FMNL2: variants seen among roughly 807,000 people sequenced by gnomAD.
FMNL2 encodes formin-like protein 2.
In FMNL2, 51 loss-of-function variants were observed where a neutral mutation model predicts 130.2. The ratio of observed to expected loss-of-function variants is 0.39; its 90% CI spans 0.31 to 0.49. The LOEUF (loss-of-function observed/expected upper bound fraction) is 0.49. Among genes scored for constraint, FMNL2 ranks in the 20% least tolerant of loss-of-function variants. The pLI is 0.85. For synonymous variants in FMNL2, 465 were observed against 467.1 expected, an observed-to-expected ratio of 1.00 and a Z score of 0.06; for missense variants, 977 against 1,316.2, an observed-to-expected ratio of 0.74 and a Z score of 3.99.
intron 2 of FMNL2, among the ~76,000 whole-genome samples, chr2:152,537,153 A>C (rs1694035490): frequency 6.6e-6 from 1 of 152,240 alleles, no homozygotes; most frequent in African/African-American, 2.4e-5. Flanking sequence ...GTCTAGTAGA[A>C]AAGGCTATGT....
At chr2:152,486,745 T>TG (rs1027612768) in intron 1 of FMNL2, among the ~76,000 whole-genome samples, 9 of 152,316 alleles carry the variant, frequency 5.9e-5, no homozygotes, top group African/African-American at 1.9e-4. Context: ...AGTTGTTTTC[T>TG]GGGGGGAAGA....
chr2:152,506,934 AT>A (rs1353866977), intron 1 of FMNL2, among the ~76,000 whole-genome samples: 3 of 152,200 alleles, frequency 2.0e-5, no homozygotes. Flanking sequence ...TTGAATTCAG[AT>A]TGTGCACACA....
At chr2:152,495,134 C>T (rs1306723483) in intron 1 of FMNL2, among the ~76,000 whole-genome samples, 2 of 152,026 alleles carry the variant, frequency 1.3e-5, no homozygotes, top group African/African-American at 4.8e-5. Flanking sequence ...ATTACAAAGC[C>T]TGAATATGTA....
At chr2:152,455,964 C>T (rs780483518) in intron 1 of FMNL2, among the ~76,000 whole-genome samples, 8 of 152,262 alleles carry the variant, frequency 5.3e-5, no homozygotes, top group Non-Finnish European at 1.0e-4. Context: ...GATCCTCCCA[C>T]CTCGGCCTCC....
At position 152,629,664 on chromosome 2, in the gene FMNL2, T is replaced by C. The variant is rs1302874836; in HGVS notation, c.2409T>C (p.His803=). The change falls in exon 19 of 26, where the codon CAT becomes CAC. Residue 803 remains histidine (H), a synonymous_variant. Transcript: ENST00000288670. ...ESIQMLTPQL[H]AIIAASVSIK... The stretch of plus-strand genomic sequence containing the variant: ...CTTTGATTGGAATCTAGCAACTACA[T>C]GCGATTATAGCAGCATCTGTCTCTA... The C allele has an allele frequency of 2.5e-6, 4 of 1,597,754 alleles. No individual in the cohort carries two copies. Among genetic ancestry groups the C allele is most frequent in the Non-Finnish European group, 3.4e-6 (4 of 1,171,462 alleles).
intron 1 of FMNL2, among the ~76,000 whole-genome samples, chr2:152,425,288 A>G (rs1297872711): frequency 1.3e-5 from 2 of 152,190 alleles, no homozygotes; most frequent in Non-Finnish European, 2.9e-5. Flanking sequence ...GTGCTATTTC[A>G]GTAAAGGAAT....
chr2:152,631,030 A>G (rs1682122949), intron 20 of FMNL2, among the ~76,000 whole-genome samples: 1 of 151,966 alleles, frequency 6.6e-6, no homozygotes, highest in Non-Finnish European at 1.5e-5. Context: ...TTTTCTAGAG[A>G]TGCATATCTG....
chr2:152,551,623 TG>T (rs1694939862), intron 4 of FMNL2, among the ~76,000 whole-genome samples: 1 of 152,226 alleles, frequency 6.6e-6, no homozygotes, highest in African/African-American at 2.4e-5. Context: ...TACTCAATAA[TG>T]ATGAAAATAA....
intron 1 of FMNL2, among the ~76,000 whole-genome samples, chr2:152,428,039 G>T (rs1041160564): frequency 1.3e-5 from 2 of 152,114 alleles, no homozygotes; most frequent in Admixed American, 6.5e-5. Context: ...AAAGGATATT[G>T]TCACACTGCC....
intron 9 of FMNL2, among the ~76,000 whole-genome samples, chr2:152,581,520 A>G (rs1696778154): frequency 6.6e-6 from 1 of 152,230 alleles, no homozygotes; most frequent in Non-Finnish European, 1.5e-5. Flanking sequence ...CAATAATGCA[A>G]CAGTTGAGCA....
At chr2:152,417,647 G>A (rs1686685639) in intron 1 of FMNL2, among the ~76,000 whole-genome samples, 1 of 152,096 alleles carries the variant, frequency 6.6e-6, no homozygotes, top group African/African-American at 2.4e-5. Flanking sequence ...GGCACCTGAT[G>A]TATATCCCCT....
intron 1 of FMNL2, chr2:152,390,481 A>T: frequency 6.6e-7 from 1 of 1,525,564 alleles, no homozygotes; most frequent in Non-Finnish European, 9.1e-7. Flanking sequence ...GACCTGGACA[A>T]TGAGACTCGC....
At chr2:152,626,426 A>G in intron 16 of FMNL2, 99 bp from the exon 17 acceptor site, 1 of 972,614 alleles carries the variant, frequency 1.0e-6, no homozygotes, top group Non-Finnish European at 1.5e-6. Flanking sequence ...AGTACTTAAT[A>G]GAAAAAGTGA....
chr2:152,473,438 T>A (rs1003484824), intron 1 of FMNL2, among the ~76,000 whole-genome samples: 15 of 152,168 alleles, frequency 9.9e-5, no homozygotes, highest in Non-Finnish European at 2.9e-5. Context: ...TTGGAGTAGA[T>A]TTTTATTAAT....
At chr2:152,354,926 G>T (rs533401613) in intron 1 of FMNL2, among the ~76,000 whole-genome samples, 16 of 152,164 alleles carry the variant, frequency 1.1e-4, no homozygotes, top group Non-Finnish European at 2.1e-4. Context: ...CTTAATTTTT[G>T]TATTTTAGTA....
chr2:152,600,807 G>A (rs763845776), intron 9 of FMNL2, among the ~76,000 whole-genome samples: 3 of 151,908 alleles, frequency 2.0e-5, no homozygotes, highest in Non-Finnish European at 4.4e-5. Flanking sequence ...TGTCCTGGGA[G>A]TGGCCCACGT....
chr2:152,611,270 C>T (rs1158519329), intron 10 of FMNL2, among the ~76,000 whole-genome samples: 5 of 152,030 alleles, frequency 3.3e-5, no homozygotes, highest in African/African-American at 1.2e-4. Context: ...ACCCAGGAGG[C>T]GGAGGTTGCA....
chr2:152,368,228 A>G (rs1467789611), intron 1 of FMNL2, among the ~76,000 whole-genome samples: 1 of 152,172 alleles, frequency 6.6e-6, no homozygotes, highest in Non-Finnish European at 1.5e-5. Flanking sequence ...CTCTTCTTCA[A>G]GCTTAATAAC....
chr2:152,390,004 T>C (rs746834996), intron 1 of FMNL2: 21 of 1,560,562 alleles, frequency 1.3e-5, no homozygotes, highest in Admixed American at 6.8e-5. Flanking sequence ...CAGCTAGAGA[T>C]TGACCAGAAA....
Sources: gnomAD v4.1 joint callset for allele counts (sites outside exome capture counted in the v4.1 genomes callset) on GRCh38, gnomAD v4.1.1 for gene constraint, MANE v1.5 for transcripts, NCBI Gene and HGNC (gene_info 2026-07-23, HGNC 2026-07-21) for gene names.